The following ESRRG variants were observed in gnomAD, a reference collection of about 807,000 sequenced individuals.
The protein encoded by ESRRG is estrogen related receptor gamma.
Under a neutral mutation model 44.0 loss-of-function variants are expected in ESRRG, and 13 were observed. The observed-to-expected ratio is 0.30, with a 90% CI of 0.19 to 0.47. The LOEUF is 0.47. Among genes scored for constraint, ESRRG ranks in the 20% least tolerant of loss-of-function variants. The probability of loss-of-function intolerance (pLI) is 1.00; values close to 1 mark genes in which losing one functional copy is unlikely to be tolerated. For synonymous variants in ESRRG, 215 were observed against 214.6 expected, an observed-to-expected ratio of 1.00 and a Z score of -0.02; for missense variants, 395 against 580.6, an observed-to-expected ratio of 0.68 and a Z score of 3.29.
chr1:216,776,368 A>G (rs1442864033), intron 2 of ESRRG, among the ~76,000 whole-genome samples: 1 of 151,972 alleles, frequency 6.6e-6, no homozygotes, highest in Non-Finnish European at 1.5e-5. Flanking sequence ...CCTCGCCTCA[A>G]AGGCTGACTT....
At chr1:216,891,062 G>T (rs58943505) in intron 2 of ESRRG, among the ~76,000 whole-genome samples, 1 of 152,076 alleles carries the variant, frequency 6.6e-6, no homozygotes, top group African/African-American at 2.4e-5. Flanking sequence ...ACATATGGAC[G>T]CCCATATGGA....
chr1:216,681,577 A>T (rs1446370013), intron 1 of ESRRG, among the ~76,000 whole-genome samples: 4 of 152,220 alleles, frequency 2.6e-5, no homozygotes, highest in Non-Finnish European at 5.9e-5. Context: ...GAGATACAGC[A>T]TCAAATAATT....
At chr1:216,713,995 A>C (rs2084234172) in intron 1 of ESRRG, among the ~76,000 whole-genome samples, 2 of 152,076 alleles carry the variant, frequency 1.3e-5, no homozygotes, top group Non-Finnish European at 2.9e-5. Context: ...TATCTGATAA[A>C]CCCCCAACTA....
chr1:216,612,625 C>A (rs1040102032), intron 3 of ESRRG, among the ~76,000 whole-genome samples: 2 of 152,128 alleles, frequency 1.3e-5, no homozygotes, highest in African/African-American at 2.4e-5. Flanking sequence ...AGGAAGAATC[C>A]ATATAATCTG....
rs546264488 is a variant in ESRRG, at chr1:216,831,033, G to A, written c.-14+108549C>T. ...GAAAGGGGCAAGGTGGGGAGGTTGG[G>A]GGAGGAAACGCATCACACAATGTTT... On this transcript the variant is annotated intron_variant, in intron 2 of 7. Coordinates refer to the ESRRG transcript ENST00000359162. Among the ~76,000 whole-genome samples, 18 of 151,944 alleles carry A rather than the reference G, an allele frequency of 1.2e-4. No homozygotes were observed. The South Asian group carries it at 3.7e-3, about 32-fold the overall frequency.
At chr1:217,100,737 C>T (rs144449337) in intron 1 of ESRRG, among the ~76,000 whole-genome samples, 2,975 of 152,198 alleles carry the variant, frequency 0.02, 61 homozygotes, top group Middle Eastern at 0.027. Context: ...GGAGCAAGAG[C>T]GAGAAGTAAG....
intron 2 of ESRRG, among the ~76,000 whole-genome samples, chr1:216,658,440 T>C (rs2071214560): frequency 6.6e-6 from 1 of 152,118 alleles, no homozygotes; most frequent in African/African-American, 2.4e-5. Context: ...AAAATTTTTG[T>C]ATGTCCATTC....
intron 2 of ESRRG, among the ~76,000 whole-genome samples, chr1:216,747,271 C>T (rs1395152573): frequency 2.0e-5 from 3 of 152,148 alleles, no homozygotes; most frequent in Non-Finnish European, 4.4e-5. Flanking sequence ...TAATTACCCG[C>T]ATCCCACCAG....
chr1:217,103,375 A>G (rs1189261985), intron 1 of ESRRG, among the ~76,000 whole-genome samples: 2 of 151,810 alleles, frequency 1.3e-5, no homozygotes, highest in African/African-American at 4.8e-5. Flanking sequence ...GCCGGGCACC[A>G]TGGCTCACAC....
intron 5 of ESRRG, among the ~76,000 whole-genome samples, chr1:216,561,370 T>C (rs778477576): frequency 6.6e-6 from 1 of 152,062 alleles, no homozygotes; most frequent in Non-Finnish European, 1.5e-5. Flanking sequence ...AAAAAATGAC[T>C]TCACTTTAAC....
intron 1 of ESRRG, among the ~76,000 whole-genome samples, chr1:217,133,725 C>T (rs1269062167): frequency 1.4e-5 from 2 of 143,268 alleles, no homozygotes; most frequent in East Asian, 4.2e-4. Context: ...CTCTCTTTTC[C>T]TCAGTACTTC....
At chr1:217,120,170 T>C (rs2092800784) in intron 1 of ESRRG, among the ~76,000 whole-genome samples, 1 of 152,150 alleles carries the variant, frequency 6.6e-6, no homozygotes, top group Non-Finnish European at 1.5e-5. Context: ...AAACTAATTT[T>C]CTTCCAGGTT....
At chr1:216,850,095 T>C (rs2148968950) in intron 2 of ESRRG, among the ~76,000 whole-genome samples, 1 of 152,274 alleles carries the variant, frequency 6.6e-6, no homozygotes, top group African/African-American at 2.4e-5. Context: ...ATTATGTCTA[T>C]AATGAGCTAA....
upstream of ESRRG, among the ~76,000 whole-genome samples, chr1:216,723,660 C>G (rs1575777125): frequency 6.6e-6 from 1 of 151,732 alleles, no homozygotes. Flanking sequence ...AAAAAGGGAG[C>G]GGAGAAGGGA....
In ESRRG at chr1:216,585,912, T is replaced by C. The variant is rs1386447761; in HGVS notation, c.590-17814A>G. Among the ~76,000 whole-genome samples, 3 of 152,034 alleles carry C rather than the reference T, an allele frequency of 2.0e-5. No homozygotes were observed. In the East Asian group the frequency reaches 5.8e-4, roughly 29 times the overall value. On this transcript the variant is annotated intron_variant, in intron 3 of 6. Coordinates refer to ENST00000408911, the MANE Select transcript of ESRRG (RefSeq NM_001438.4). ...AAAATTAGCCAGGCGTGGTTGTGGGTGCCTGTAGTCTCAGCTACTCGGGAG... is the reference window on the plus strand; with the variant it reads ...AAAATTAGCCAGGCGTGGTTGTGGGCGCCTGTAGTCTCAGCTACTCGGGAG...
intron 1 of ESRRG, among the ~76,000 whole-genome samples, chr1:216,981,334 G>C (rs940560472): frequency 1.3e-5 from 2 of 152,176 alleles, no homozygotes; most frequent in African/African-American, 2.4e-5. Flanking sequence ...GTGGTCAAGA[G>C]TACCGGCTTT....
chr1:216,653,396 A>G (rs1209917997), intron 2 of ESRRG, among the ~76,000 whole-genome samples: 2 of 152,158 alleles, frequency 1.3e-5, no homozygotes, highest in African/African-American at 4.8e-5. Flanking sequence ...AAATCAATAG[A>G]ATTATTTGCC....
At chr1:217,119,010 G>GATAT (rs1491043960) in intron 1 of ESRRG, among the ~76,000 whole-genome samples, 1 of 22,480 alleles carries the variant, frequency 4.4e-5, no homozygotes, top group Non-Finnish European at 1.3e-4. Flanking sequence ...TAGATGGATA[G>GATAT]ATAGATAGAT....
At chr1:216,708,987 T>C (rs924231647) in intron 1 of ESRRG, among the ~76,000 whole-genome samples, 4 of 152,094 alleles carry the variant, frequency 2.6e-5, no homozygotes, top group Non-Finnish European at 5.9e-5. Context: ...ACACTGCATG[T>C]TCTCACTCAC....
Sources: gnomAD v4.1 joint callset for allele counts (sites outside exome capture counted in the v4.1 genomes callset) on GRCh38, gnomAD v4.1.1 for gene constraint, MANE v1.5 for transcripts, NCBI Gene and HGNC (gene_info 2026-07-23, HGNC 2026-07-21) for gene names.